DENND5B: variants seen among roughly 807,000 people sequenced by gnomAD.
DENND5B encodes the protein DENN domain containing 5B, also known as DENN domain-containing protein 5B.
In DENND5B, 34 loss-of-function variants were observed where a neutral mutation model predicts 140.6. That is an observed-to-expected ratio of 0.24 (90% CI 0.18 to 0.32). The LOEUF is 0.32. Among genes scored for constraint, DENND5B ranks in the 10% least tolerant of loss-of-function variants. The pLI is 1.00. For synonymous variants in DENND5B, 551 were observed against 562.1 expected, an observed-to-expected ratio of 0.98 and a Z score of 0.28; for missense variants, 1,142 against 1,560.2, an observed-to-expected ratio of 0.73 and a Z score of 4.52.
intron 1 of DENND5B, among the ~76,000 whole-genome samples, chr12:31,554,558 G>C (rs550434652): frequency 1.3e-5 from 2 of 152,028 alleles, no homozygotes; most frequent in African/African-American, 2.4e-5. Context: ...TTGCTCTCTC[G>C]AGGAGTATCT....
chr12:31,565,309 G>A (rs781580999), intron 1 of DENND5B, among the ~76,000 whole-genome samples: 5 of 152,126 alleles, frequency 3.3e-5, no homozygotes, highest in African/African-American at 4.8e-5. Context: ...TAGAAAGATC[G>A]CTTGAGCCCA....
intron 1 of DENND5B, among the ~76,000 whole-genome samples, chr12:31,522,760 A>AT (rs1223357154): frequency 6.6e-6 from 1 of 152,184 alleles, no homozygotes. Context: ...TAACTCTCCA[A>AT]TAACTTACTG....
intron 5 of DENND5B, among the ~76,000 whole-genome samples, 175 bp from the exon 6 acceptor site, chr12:31,447,944 G>T (rs547548739): frequency 6.6e-6 from 1 of 152,208 alleles, no homozygotes; most frequent in East Asian, 1.9e-4. Flanking sequence ...TAAATTTAGA[G>T]AATGTACGTC....
intron 3 of DENND5B, among the ~76,000 whole-genome samples, chr12:31,461,928 A>G (rs1332217367): frequency 6.6e-6 from 1 of 152,222 alleles, no homozygotes. Flanking sequence ...CTGACCAAGC[A>G]TAAACAGGAT....
At chr12:31,542,305 A>T (rs1948706584) in intron 1 of DENND5B, among the ~76,000 whole-genome samples, 1 of 151,594 alleles carries the variant, frequency 6.6e-6, no homozygotes, top group Non-Finnish European at 1.5e-5. Flanking sequence ...AAAAAAAAAA[A>T]TTAAAACAAT....
intron 1 of DENND5B, among the ~76,000 whole-genome samples, chr12:31,537,436 C>G (rs1285276978): frequency 6.6e-6 from 1 of 151,982 alleles, no homozygotes; most frequent in Non-Finnish European, 1.5e-5. Context: ...TTGCAAGCAT[C>G]ATGGTAACCT....
chr12:31,402,118 T>A (rs1325345991), intron 15 of DENND5B, among the ~76,000 whole-genome samples: 1 of 150,832 alleles, frequency 6.6e-6, no homozygotes, highest in African/African-American at 2.4e-5. Context: ...AGCTCTCCTG[T>A]CCTTTTGCCA....
chr12:31,470,123 TTTTTTC>T (rs1251642436), intron 3 of DENND5B, among the ~76,000 whole-genome samples: 4 of 144,496 alleles, frequency 2.8e-5, no homozygotes, highest in Admixed American at 2.1e-4. Flanking sequence ...TTTTTTTTTT[TTTTTTC>T]TTTGGAGATG....
At chr12:31,574,331 T>C (rs1205057124) in intron 1 of DENND5B, among the ~76,000 whole-genome samples, 1 of 147,612 alleles carries the variant, frequency 6.8e-6, no homozygotes, top group Non-Finnish European at 1.5e-5. Context: ...GGTGGCTCCC[T>C]GTAATCCCAG....
intron 1 of DENND5B, among the ~76,000 whole-genome samples, chr12:31,510,735 C>T (rs951530926): frequency 2.6e-5 from 4 of 152,158 alleles, no homozygotes; most frequent in Non-Finnish European, 5.9e-5. Context: ...ACAGGACACA[C>T]CTGGATAATT....
intron 1 of DENND5B, among the ~76,000 whole-genome samples, chr12:31,556,057 C>T (rs1323467680): frequency 3.3e-5 from 5 of 152,232 alleles, no homozygotes; most frequent in East Asian, 3.8e-4. Flanking sequence ...GCGCTGCACC[C>T]ACTGTCCTGC....
rs1229719686 is a variant in DENND5B, at chr12:31,382,401, G to A, written c.*5202C>T. The A allele has an allele frequency of 6.6e-6, 1 of 151,968 alleles. No homozygotes were observed. The highest frequency in any genetic ancestry group is 1.5e-5 in the Non-Finnish European group (1 of 67,984). The allele number at this position is 151,968 out of a possible 1,614,324, so 9.4% of individuals were successfully genotyped here. The stretch of plus-strand genomic sequence containing the variant: ...CAGATGAGAAAAAAAATCCAGTTCT[G>A]ATGCATTTTGCTAACAATACAAAGA... On this transcript the variant is annotated 3_prime_UTR_variant, in exon 21 of 21. Transcript: ENST00000389082.
chr12:31,386,085 T>C lies in DENND5B; in HGVS notation c.*1518A>G, dbSNP rs1940840244. 6.5e-6 allele frequency: 1 copy of C among 154,430 alleles called. No homozygotes were observed. The highest frequency in any genetic ancestry group is 2.4e-5 in the African/African-American group (1 of 41,544). 9.6% of individuals were successfully genotyped at this position (154,430 alleles called of 1,614,324 possible). On this transcript the variant is annotated 3_prime_UTR_variant, in exon 21 of 21. Coordinates refer to ENST00000389082, the MANE Select transcript of DENND5B (RefSeq NM_144973.4). ...TTGATAAAGGGAGTTAGGCACTTGT[T>C]TCATCTGTTTCTTCCTCCAGGAAAT...
At chr12:31,392,949 G>A (rs890278994) in intron 17 of DENND5B, among the ~76,000 whole-genome samples, 1 of 152,220 alleles carries the variant, frequency 6.6e-6, no homozygotes, top group Non-Finnish European at 1.5e-5. Flanking sequence ...CTAGCCTAGT[G>A]TCTAACTTCC....
chr12:31,508,814 C>T (rs1433527237), intron 1 of DENND5B, among the ~76,000 whole-genome samples: 1 of 152,148 alleles, frequency 6.6e-6, no homozygotes, highest in Non-Finnish European at 1.5e-5. Flanking sequence ...GAAAATCACA[C>T]ATCACATATA....
chr12:31,572,410 A>G (rs563262248), intron 1 of DENND5B, among the ~76,000 whole-genome samples: 1 of 152,264 alleles, frequency 6.6e-6, no homozygotes, highest in East Asian at 1.9e-4. Context: ...AGAAAGTCCT[A>G]TTAAAAAATG....
chr12:31,417,249 C>T (rs753482600), intron 11 of DENND5B, among the ~76,000 whole-genome samples: 7 of 144,770 alleles, frequency 4.8e-5, no homozygotes, highest in African/African-American at 7.8e-5. Context: ...CCCAGCTACT[C>T]GGGAGGCTGA....
At chr12:31,554,595 T>A (rs10843966) in intron 1 of DENND5B, among the ~76,000 whole-genome samples, 58,214 of 151,996 alleles carry the variant, frequency 0.38, 12,000 homozygotes, top group East Asian at 0.57. Context: ...ATTTCCTGAA[T>A]TTGAATGTTG....
intron 1 of DENND5B, among the ~76,000 whole-genome samples, chr12:31,568,482 T>C (rs999732335): frequency 6.6e-6 from 1 of 152,192 alleles, no homozygotes; most frequent in Non-Finnish European, 1.5e-5. Context: ...TTTAATCCCA[T>C]TTTACTTGCC....
Sources: gnomAD v4.1 joint callset for allele counts (sites outside exome capture counted in the v4.1 genomes callset) on GRCh38, gnomAD v4.1.1 for gene constraint, MANE v1.5 for transcripts, NCBI Gene and HGNC (gene_info 2026-07-23, HGNC 2026-07-21) for gene names.